Variants in LRFN5 observed in about 807,000 individuals in gnomAD.
The protein encoded by LRFN5 is leucine-rich repeat and fibronectin type-III domain-containing protein 5.
In LRFN5, 24 loss-of-function variants were observed where a neutral mutation model predicts 45.6. The observed-to-expected ratio is 0.53, with a 90% CI of 0.38 to 0.74. The LOEUF (loss-of-function observed/expected upper bound fraction) is 0.74. LRFN5 is among the 30% of genes least tolerant of loss of function. The pLI is 0.00. For missense variants in LRFN5, 776 were observed against 861.5 expected, an observed-to-expected ratio of 0.90 and a Z score of 1.24; for synonymous variants, 340 against 313.8, an observed-to-expected ratio of 1.08 and a Z score of -0.88.
At chr14:41,768,464 A>G (rs4904786) in intron 2 of LRFN5, among the ~76,000 whole-genome samples, 87,954 of 151,802 alleles carry the variant, frequency 0.58, 26,229 homozygotes, top group East Asian at 0.94. Flanking sequence ...GTTACCTGGT[A>G]CTGCTTTTGT....
intron 1 of LRFN5, among the ~76,000 whole-genome samples, chr14:41,745,347 A>C (rs1026143689): frequency 6.6e-6 from 1 of 152,070 alleles, no homozygotes; most frequent in African/African-American, 2.4e-5. Context: ...AAACAAAATC[A>C]TAATATATCA....
intron 1 of LRFN5, among the ~76,000 whole-genome samples, chr14:41,659,955 CAGAT>C: frequency 6.9e-6 from 1 of 144,616 alleles, no homozygotes; most frequent in Non-Finnish European, 1.5e-5. Context: ...AGTCCTTTGT[CAGAT>C]AGATAGATTG....
intron 1 of LRFN5, among the ~76,000 whole-genome samples, chr14:41,620,042 C>T (rs1050658661): frequency 5.9e-5 from 9 of 151,904 alleles, no homozygotes; most frequent in Admixed American, 1.3e-4. Context: ...TTAAAAAATA[C>T]GTCTTTATAT....
Position 41,851,984 on chromosome 14 carries a change from GA to G in LRFN5, c.-20-34613del, listed in dbSNP as rs150717593. Among the ~76,000 whole-genome samples, 316 of 150,118 alleles carry G rather than the reference GA, an allele frequency of 2.1e-3. 1 individual carries two copies. The highest frequency in any genetic ancestry group is 3.8e-3 in the Non-Finnish European group (256 of 67,238). ...GTAATCCTTGCTCTAAAGTAATGCAGAAAAAAAAAGAGAATCTTTGTGGAAC... is the reference window on the plus strand; with the variant it reads ...GTAATCCTTGCTCTAAAGTAATGCAGAAAAAAAAGAGAATCTTTGTGGAAC... On this transcript the variant is annotated intron_variant, in intron 2 of 5. Transcript: ENST00000298119.
At chr14:41,732,651 G>A (rs8018731) in intron 1 of LRFN5, among the ~76,000 whole-genome samples, 6,802 of 151,800 alleles carry the variant, frequency 0.045, 334 homozygotes, top group African/African-American at 0.12. Flanking sequence ...TAATATTCTA[G>A]GGTTATTATA....
intron 1 of LRFN5, among the ~76,000 whole-genome samples, chr14:41,674,287 C>A (rs1329696805): frequency 7.9e-6 from 1 of 126,966 alleles, no homozygotes; most frequent in Non-Finnish European, 1.7e-5. Flanking sequence ...CGGGCAGAGG[C>A]GTCCCTCACC....
intron 2 of LRFN5, among the ~76,000 whole-genome samples, chr14:41,849,859 C>T (rs1376876873): frequency 1.3e-5 from 2 of 151,830 alleles, no homozygotes; most frequent in East Asian, 1.9e-4. Context: ...ATTCTATATA[C>T]TTGAGACTTG....
intron 4 of LRFN5, chr14:41,892,670 T>G: frequency 1.0e-6 from 1 of 985,062 alleles, no homozygotes; most frequent in Non-Finnish European, 1.2e-6. Context: ...ACCGAGTTAA[T>G]GTTAAAATTA....
chr14:41,741,316 T>C (rs781470313), intron 1 of LRFN5, among the ~76,000 whole-genome samples: 1 of 151,656 alleles, frequency 6.6e-6, no homozygotes, highest in Non-Finnish European at 1.5e-5. Flanking sequence ...TATAAAGCAA[T>C]TGTAGTCAAA....
intron 4 of LRFN5, chr14:41,893,033 T>C (rs1018128429): frequency 8.4e-5 from 83 of 984,816 alleles, no homozygotes; most frequent in Middle Eastern, 5.2e-4. Context: ...TATTTATAAG[T>C]CATAAAAGTC....
chr14:41,675,006 G>A (rs1020717048), intron 1 of LRFN5, among the ~76,000 whole-genome samples: 2 of 151,740 alleles, frequency 1.3e-5, no homozygotes, highest in African/African-American at 4.8e-5. Context: ...CAGACGATGG[G>A]CGGCCGGGCA....
chr14:41,739,954 TA>T (rs1197776386), intron 1 of LRFN5, among the ~76,000 whole-genome samples: 2 of 143,340 alleles, frequency 1.4e-5, no homozygotes, highest in Admixed American at 1.4e-4. Flanking sequence ...ACAGAAAAAA[TA>T]AAATTCCTAG....
intron 1 of LRFN5, among the ~76,000 whole-genome samples, chr14:41,749,758 G>A (rs1885055248): frequency 6.6e-6 from 1 of 152,052 alleles, no homozygotes; most frequent in Admixed American, 6.6e-5. Context: ...AGACTCCCAT[G>A]ACACATGTTT....
At chr14:41,770,928 G>T (rs956948832) in intron 2 of LRFN5, among the ~76,000 whole-genome samples, 4 of 151,948 alleles carry the variant, frequency 2.6e-5, no homozygotes, top group Non-Finnish European at 5.9e-5. Flanking sequence ...GCAAGCTTCT[G>T]CTTGGGCACC....
chr14:41,791,118 C>T (rs895309842), intron 2 of LRFN5, among the ~76,000 whole-genome samples: 2 of 151,718 alleles, frequency 1.3e-5, no homozygotes, highest in East Asian at 3.9e-4. Context: ...AAAATGTTAA[C>T]ATTATTAACC....
chr14:41,621,960 C>CT (rs1888150622), intron 1 of LRFN5, among the ~76,000 whole-genome samples: 2 of 152,026 alleles, frequency 1.3e-5, no homozygotes, highest in Admixed American at 6.6e-5. Flanking sequence ...GAGAAAGAAA[C>CT]TGTTTCCTGA....
intron 1 of LRFN5, among the ~76,000 whole-genome samples, chr14:41,656,996 A>G (rs946429266): frequency 6.6e-6 from 1 of 151,828 alleles, no homozygotes; most frequent in Admixed American, 6.6e-5. Context: ...CTCAATCGTT[A>G]TGTTTCTTAG....
intron 2 of LRFN5, among the ~76,000 whole-genome samples, chr14:41,776,465 A>AT (rs1886296748): frequency 6.6e-6 from 1 of 152,070 alleles, no homozygotes; most frequent in Non-Finnish European, 1.5e-5. Flanking sequence ...CACAGAGATA[A>AT]TTTTTTAATA....
intron 1 of LRFN5, among the ~76,000 whole-genome samples, chr14:41,626,923 A>G (rs143129191): frequency 0.029 from 4,487 of 152,224 alleles, 91 homozygotes; most frequent in Middle Eastern, 0.048. Flanking sequence ...GTACAGAAGA[A>G]TGAAGCTACA....
Sources: allele counts gnomAD v4.1 joint callset (sites outside exome capture counted in the v4.1 genomes callset), GRCh38; gene constraint gnomAD v4.1.1; transcripts MANE v1.5; gene names NCBI Gene and HGNC (gene_info 2026-07-23, HGNC 2026-07-21).